The following SNCAIP variants were observed in gnomAD, a reference collection of about 807,000 sequenced individuals.
SNCAIP encodes the protein synphilin-1.
In SNCAIP, 43 loss-of-function variants were observed where a neutral mutation model predicts 86.7. The observed-to-expected ratio is 0.50, with a 90% CI of 0.39 to 0.64. The LOEUF is 0.64. Ranked by LOEUF, SNCAIP falls within the 30% of genes least tolerant of loss-of-function variation. The pLI is 0.00. For missense variants in SNCAIP, 981 were observed against 1,103.1 expected (o/e 0.89, Z 1.57); for synonymous variants, 417 against 427.2 (o/e 0.98, Z 0.29).
intron 2 of SNCAIP, among the ~76,000 whole-genome samples, chr5:122,394,653 C>T (rs912050257): frequency 6.6e-6 from 1 of 152,162 alleles, no homozygotes; most frequent in Non-Finnish European, 1.5e-5. Context: ...AAAACAAAAA[C>T]CCTCTGGAAT....
intron 1 of SNCAIP, among the ~76,000 whole-genome samples, chr5:122,348,693 C>G (rs2152738720): frequency 6.6e-6 from 1 of 152,078 alleles, no homozygotes; most frequent in East Asian, 1.9e-4. Flanking sequence ...AATGAGAAGC[C>G]AGCAGAATTG....
At chr5:122,329,922 G>C (rs1359295509) in intron 1 of SNCAIP, among the ~76,000 whole-genome samples, 2 of 152,154 alleles carry the variant, frequency 1.3e-5, no homozygotes, top group Middle Eastern at 3.4e-3. Context: ...CCTGGGATTA[G>C]AGCACCTGAT....
At chr5:122,354,884 T>C (rs777479157) in intron 1 of SNCAIP, among the ~76,000 whole-genome samples, 5 of 152,224 alleles carry the variant, frequency 3.3e-5, no homozygotes, top group Non-Finnish European at 4.4e-5. Context: ...ACAATATTAA[T>C]TTCCAGTTGT....
At chr5:122,358,295 T>A (rs972107610) in intron 1 of SNCAIP, among the ~76,000 whole-genome samples, 1 of 150,710 alleles carries the variant, frequency 6.6e-6, no homozygotes, top group African/African-American at 2.4e-5. Flanking sequence ...CATGTTGGTG[T>A]GCTGCACCCA....
intron 1 of SNCAIP, among the ~76,000 whole-genome samples, chr5:122,335,277 A>G (rs1002182546): frequency 6.6e-6 from 1 of 152,234 alleles, no homozygotes; most frequent in African/African-American, 2.4e-5. Flanking sequence ...TGTGTGACAT[A>G]TCTAAGGATT....
chr5:122,380,975 T>C (rs1172316489), intron 1 of SNCAIP, among the ~76,000 whole-genome samples: 6 of 146,100 alleles, frequency 4.1e-5, no homozygotes, highest in Admixed American at 1.3e-4. Flanking sequence ...GTGGTCAATT[T>C]TGGAATAGGT....
At chr5:122,444,756 A>T in intron 8 of SNCAIP, 24 bp downstream of exon 8, 1 of 1,592,070 alleles carries the variant, frequency 6.3e-7, no homozygotes, top group Non-Finnish European at 8.6e-7. Flanking sequence ...TGGTTCCATG[A>T]GAACCAAGTC....
At chr5:122,409,393 T>A (rs139295554) in intron 3 of SNCAIP, among the ~76,000 whole-genome samples, 2 of 152,250 alleles carry the variant, frequency 1.3e-5, no homozygotes. Context: ...GCTAAACTCA[T>A]TGTATAATTT....
intron 1 of SNCAIP, among the ~76,000 whole-genome samples, chr5:122,376,269 T>C (rs1765294929): frequency 1.3e-5 from 2 of 152,184 alleles, no homozygotes; most frequent in Non-Finnish European, 1.5e-5. Context: ...TTGTGTCTGC[T>C]TCTCTCTAAA....
intron 5 of SNCAIP, among the ~76,000 whole-genome samples, chr5:122,429,457 C>CA (rs368162956): frequency 0.14 from 19,548 of 142,906 alleles, 1,350 homozygotes; most frequent in Admixed American, 0.16. Flanking sequence ...GTAAACTGAC[C>CA]AAAAAAAAAA....
rs1454753878 is a variant in SNCAIP, at chr5:122,423,677, G to C, written c.940G>C (p.Glu314Gln). Residue 314 changes from glutamate to glutamine, a missense_variant, in exon 4 of 11, where the codon GAG becomes CAG. By Grantham distance (29) the Glu-to-Gln change is conservative. Coordinates refer to ENST00000261368, the MANE Select transcript of SNCAIP (RefSeq NM_005460.4). ...TSSQGPEERS[E>Q]YLKKVKSILN... ...CTCCCAAGGCCCAGAAGAAAGGAGTGAGTATCTGAAAAAAGTGAAAAGCAT... is the reference window on the plus strand; with the variant it reads ...CTCCCAAGGCCCAGAAGAAAGGAGTCAGTATCTGAAAAAAGTGAAAAGCAT... 5.6e-6 allele frequency: 9 copies of C among 1,607,312 alleles called. No individual in the cohort carries two copies. The highest frequency in any genetic ancestry group is 1.1e-5 in the South Asian group (1 of 90,908).
intron 10 of SNCAIP, among the ~76,000 whole-genome samples, chr5:122,458,354 C>T (rs546697528): frequency 9.5e-4 from 144 of 152,288 alleles, no homozygotes; most frequent in African/African-American, 3.4e-3. Flanking sequence ...TCTCCACCCC[C>T]ACCCTCCTTT....
intron 4 of SNCAIP, 93 bp from the exon 5 acceptor site, chr5:122,425,259 C>T (rs1777127296): frequency 7.4e-6 from 7 of 949,350 alleles, no homozygotes; most frequent in African/African-American, 3.2e-5. Flanking sequence ...CTTCTATAAG[C>T]TCATTTCTTC....
Position 122,449,906 on chromosome 5 carries a change from T to G in SNCAIP, c.1654T>G (p.Ser552Ala), listed in dbSNP as rs777108314. The G allele has an allele frequency of 8.1e-6, 13 of 1,613,740 alleles. No homozygotes were observed. The Admixed American group carries it at 8.3e-5, about 10-fold the overall frequency. ...CCAACAATTTCTAGAAGCCCAGAAA[T>G]CAGAGGGCAAGTCACTCCCTTCTTC... Reference protein sequence around the residue: ...QLQQFLEAQKSEGKSLPSSPS... With the variant: ...QLQQFLEAQKAEGKSLPSSPS... The change falls in exon 9 of 11, where the codon TCA becomes GCA. Residue 552 changes from serine (S) to alanine (A), a missense_variant. By Grantham distance (99) the Ser-to-Ala change is moderately conservative. Coordinates refer to ENST00000261368, the MANE Select transcript of SNCAIP (RefSeq NM_005460.4).
chr5:122,380,192 C>T (rs1456160382), intron 1 of SNCAIP, among the ~76,000 whole-genome samples: 1 of 152,140 alleles, frequency 6.6e-6, no homozygotes, highest in Non-Finnish European at 1.5e-5. Context: ...GGTTGGTAAA[C>T]TATTGATTAT....
At chr5:122,382,422 G>A (rs1243275154) in intron 1 of SNCAIP, among the ~76,000 whole-genome samples, 3 of 152,086 alleles carry the variant, frequency 2.0e-5, no homozygotes, top group Non-Finnish European at 4.4e-5. Context: ...CTCTGTATTG[G>A]TTATTCTAGT....
At chr5:122,410,056 G>A (rs1245002318) in intron 3 of SNCAIP, among the ~76,000 whole-genome samples, 1 of 152,082 alleles carries the variant, frequency 6.6e-6, no homozygotes, top group Non-Finnish European at 1.5e-5. Context: ...ACAAAGAAAT[G>A]TTTCTTTAAC....
At chr5:122,438,584 T>G (rs1326280110) in intron 6 of SNCAIP, among the ~76,000 whole-genome samples, 1 of 152,228 alleles carries the variant, frequency 6.6e-6, no homozygotes, top group Non-Finnish European at 1.5e-5. Context: ...GGTCTTTATT[T>G]AGAAGTTTGG....
At chr5:122,435,456 G>A (rs575379733) in intron 6 of SNCAIP, among the ~76,000 whole-genome samples, 2 of 152,096 alleles carry the variant, frequency 1.3e-5, no homozygotes, top group Non-Finnish European at 2.9e-5. Flanking sequence ...CCTGCTCTGC[G>A]CTGGTTATTA....
Sources: gnomAD v4.1 joint callset for allele counts (sites outside exome capture counted in the v4.1 genomes callset) on GRCh38, gnomAD v4.1.1 for gene constraint, MANE v1.5 for transcripts, NCBI Gene and HGNC (gene_info 2026-07-23, HGNC 2026-07-21) for gene names.